MALRD1: variants seen among roughly 807,000 people sequenced by gnomAD.
MALRD1 encodes the protein MAM and LDL-receptor class A domain-containing protein 1.
MALRD1 carries 247 observed loss-of-function variants against 242.1 expected under a neutral mutation model. The ratio of observed to expected loss-of-function variants is 1.02; its 90% CI spans 0.92 to 1.13. The LOEUF (loss-of-function observed/expected upper bound fraction) is 1.13, where lower values mean the gene tolerates loss of function less well. Among genes scored for constraint, MALRD1 ranks in the 50% most tolerant of loss-of-function variants. The probability of loss-of-function intolerance (pLI) is 0.00; values close to 1 mark genes in which losing one functional copy is unlikely to be tolerated. For missense variants in MALRD1, 2,989 were observed against 2,533.1 expected, an observed-to-expected ratio of 1.18 and a Z score of -3.86; for synonymous variants, 995 against 866.6, an observed-to-expected ratio of 1.15 and a Z score of -2.60.
At chr10:19,468,116 A>AGT (rs1836313639) in intron 29 of MALRD1, among the ~76,000 whole-genome samples, 1 of 152,098 alleles carries the variant, frequency 6.6e-6, no homozygotes, top group South Asian at 2.1e-4. Flanking sequence ...AACAAAAAAA[A>AGT]AATCTATTGT....
At chr10:19,486,710 A>G (rs1274956568) in intron 29 of MALRD1, among the ~76,000 whole-genome samples, 1 of 152,184 alleles carries the variant, frequency 6.6e-6, no homozygotes, top group Non-Finnish European at 1.5e-5. Flanking sequence ...TTAAGAAAGT[A>G]ATAAAACAAC....
chr10:19,512,182 T>TACAACC (rs1250090305), intron 31 of MALRD1, among the ~76,000 whole-genome samples: 16 of 152,256 alleles, frequency 1.1e-4, no homozygotes, highest in African/African-American at 3.9e-4. Flanking sequence ...AAAAATGTGG[T>TACAACC]TATCATCAGT....
intron 4 of MALRD1, among the ~76,000 whole-genome samples, chr10:19,103,459 G>C (rs1301324191): frequency 6.6e-6 from 1 of 151,020 alleles, no homozygotes; most frequent in East Asian, 2.0e-4. Flanking sequence ...TACTCGGGAG[G>C]CTGAGGCAGG....
At chr10:19,258,964 T>C (rs1259832881) in intron 19 of MALRD1, among the ~76,000 whole-genome samples, 2 of 152,118 alleles carry the variant, frequency 1.3e-5, no homozygotes, top group African/African-American at 2.4e-5. Flanking sequence ...TTTGATTTAG[T>C]ACCCACCCTC....
At chr10:19,075,829 T>G (rs1835299986) in intron 2 of MALRD1, among the ~76,000 whole-genome samples, 1 of 152,060 alleles carries the variant, frequency 6.6e-6, no homozygotes, top group Non-Finnish European at 1.5e-5. Flanking sequence ...ACTAGGTGTG[T>G]AGTAACTTGT....
chr10:19,417,845 G>A (rs1833568272), intron 28 of MALRD1, among the ~76,000 whole-genome samples: 1 of 152,032 alleles, frequency 6.6e-6, no homozygotes, highest in Non-Finnish European at 1.5e-5. Flanking sequence ...ACATGGTATG[G>A]ATTACACTAT....
At chr10:19,253,914 T>C (rs886595956) in intron 18 of MALRD1, among the ~76,000 whole-genome samples, 15 of 151,978 alleles carry the variant, frequency 9.9e-5, no homozygotes, top group African/African-American at 3.6e-4. Context: ...GGTGGATATA[T>C]GGGGGTGGTT....
chr10:19,504,747 A>T (rs950358520), intron 31 of MALRD1, among the ~76,000 whole-genome samples: 1 of 139,874 alleles, frequency 7.1e-6, no homozygotes, highest in African/African-American at 2.8e-5. Flanking sequence ...CAGTGGCGCA[A>T]TCTCGGCTCA....
chr10:19,326,921 C>G (rs955231557), intron 22 of MALRD1, among the ~76,000 whole-genome samples: 1 of 152,050 alleles, frequency 6.6e-6, no homozygotes, highest in Non-Finnish European at 1.5e-5. Context: ...CTTAGTTACT[C>G]TCTTCATGGC....
In MALRD1 at chr10:19,126,992, G is replaced by A. The variant is rs1837303087; in HGVS notation, c.944-1229G>A. On this transcript the variant is annotated intron_variant, in intron 7 of 39. Coordinates refer to ENST00000454679, the MANE Select transcript of MALRD1 (RefSeq NM_001142308.3). ...CAAGTTGTTCAGCTCCCACATATAA[G>A]TGAGAACATGTGGTACTTGGCTTTC... Among the ~76,000 whole-genome samples, 7 of 152,202 alleles carry A rather than the reference G, an allele frequency of 4.6e-5. No homozygotes were observed. The South Asian group carries it at 1.5e-3, about 32-fold the overall frequency.
intron 32 of MALRD1, among the ~76,000 whole-genome samples, chr10:19,549,441 C>A (rs994622265): frequency 3.3e-5 from 5 of 152,130 alleles, no homozygotes; most frequent in Non-Finnish European, 4.4e-5. Flanking sequence ...ATTACCACAA[C>A]CACTCCACCC....
At chr10:19,630,931 T>C (rs534187078) in intron 36 of MALRD1, among the ~76,000 whole-genome samples, 3 of 152,218 alleles carry the variant, frequency 2.0e-5, no homozygotes, top group Admixed American at 6.6e-5. Context: ...ATATGAAACA[T>C]TGTGATGTAC....
At chr10:19,585,746 G>C (rs1202899646) in intron 33 of MALRD1, among the ~76,000 whole-genome samples, 1 of 152,068 alleles carries the variant, frequency 6.6e-6, no homozygotes, top group East Asian at 1.9e-4. Flanking sequence ...GGCGTTCTCT[G>C]TATTTCCTGA....
intron 36 of MALRD1, among the ~76,000 whole-genome samples, chr10:19,628,046 C>A (rs1289186988): frequency 6.6e-6 from 1 of 151,590 alleles, no homozygotes; most frequent in East Asian, 1.9e-4. Context: ...TGCACTAATG[C>A]ATAAATGCAC....
intron 4 of MALRD1, among the ~76,000 whole-genome samples, chr10:19,094,215 C>T (rs1172256496): frequency 9.8e-6 from 1 of 102,486 alleles, no homozygotes; most frequent in African/African-American, 4.2e-5. Context: ...TCAGTTTGAT[C>T]TCAGACTGCT....
intron 25 of MALRD1, among the ~76,000 whole-genome samples, chr10:19,350,594 A>G (rs192113786): frequency 1.3e-5 from 2 of 152,008 alleles, no homozygotes; most frequent in East Asian, 1.9e-4. Flanking sequence ...GAAGATTTTT[A>G]TTCACTCTCA....
At chr10:19,469,631 C>G (rs1836396003) in intron 29 of MALRD1, among the ~76,000 whole-genome samples, 1 of 151,966 alleles carries the variant, frequency 6.6e-6, no homozygotes, top group African/African-American at 2.4e-5. Flanking sequence ...AATAAGAAAC[C>G]TCATCCACAC....
chr10:19,715,832 C>T (rs975614469), intron 38 of MALRD1, among the ~76,000 whole-genome samples: 3 of 152,112 alleles, frequency 2.0e-5, no homozygotes, highest in Admixed American at 1.3e-4. Context: ...GGAGGAGGTG[C>T]CATGCTCTTG....
In MALRD1 at chr10:19,673,923, A is replaced by G. The variant is rs114869965; in HGVS notation, c.6138-18359A>G. On this transcript the variant is annotated intron_variant, in intron 36 of 39. Coordinates refer to ENST00000454679, the MANE Select transcript of MALRD1 (RefSeq NM_001142308.3). The stretch of plus-strand genomic sequence containing the variant: ...ACATAATTTATATGCGTGTGCATGT[A>G]TGTATCTGGGTGCATGTGTGTGTGC... Among the ~76,000 whole-genome samples the G allele has an allele frequency of 3.9e-3, 599 of 152,066 alleles. 4 individuals are homozygous for G. The highest frequency in any genetic ancestry group is 0.014 in the African/African-American group (575 of 41,520).
Sources: allele counts gnomAD v4.1 joint callset (sites outside exome capture counted in the v4.1 genomes callset), GRCh38; gene constraint gnomAD v4.1.1; transcripts MANE v1.5; gene names NCBI Gene and HGNC (gene_info 2026-07-23, HGNC 2026-07-21).